HDAC9: variants seen among roughly 807,000 people sequenced by gnomAD.
HDAC9 encodes the protein histone deacetylase 9, also known as MEF-2 interacting transcription repressor (MITR) protein.
HDAC9 carries 41 observed loss-of-function variants against 139.4 expected under a neutral mutation model. That is an observed-to-expected ratio of 0.29 (90% CI 0.23 to 0.38). The LOEUF (loss-of-function observed/expected upper bound fraction) is 0.38, where lower values mean the gene tolerates loss of function less well. Among genes scored for constraint, HDAC9 ranks in the 10% least tolerant of loss-of-function variants. HDAC9 has a pLI of 1.00. For missense variants in HDAC9, 1,147 were observed against 1,297.0 expected (o/e 0.88, Z 1.78); for synonymous variants, 517 against 476.2 (o/e 1.09, Z -1.12).
At chr7:18,815,068 C>A (rs1433091187) in intron 17 of HDAC9, among the ~76,000 whole-genome samples, 3 of 152,170 alleles carry the variant, frequency 2.0e-5, no homozygotes, top group Non-Finnish European at 4.4e-5. Context: ...TTGGTACAGT[C>A]TTTATAGCCC....
intron 2 of HDAC9, among the ~76,000 whole-genome samples, chr7:18,184,043 G>A (rs2128143308): frequency 6.6e-6 from 1 of 152,154 alleles, no homozygotes; most frequent in Non-Finnish European, 1.5e-5. Flanking sequence ...CATCTGACAT[G>A]CTTGGGACCA....
intron 21 of HDAC9, among the ~76,000 whole-genome samples, chr7:18,845,204 G>T (rs765048620): frequency 6.6e-6 from 1 of 151,364 alleles, no homozygotes; most frequent in Non-Finnish European, 1.5e-5. Flanking sequence ...ATGAAGGAAG[G>T]CTCACTCACC....
At chr7:18,612,486 A>G (rs1837436120) in intron 6 of HDAC9, among the ~76,000 whole-genome samples, 1 of 152,050 alleles carries the variant, frequency 6.6e-6, no homozygotes, top group Non-Finnish European at 1.5e-5. Context: ...GTGGGGAAGG[A>G]CAGATAATAT....
At chr7:18,717,199 A>G (rs1301000639) in intron 12 of HDAC9, among the ~76,000 whole-genome samples, 2 of 152,052 alleles carry the variant, frequency 1.3e-5, no homozygotes, top group Non-Finnish European at 2.9e-5. Context: ...TAGAGGGAAG[A>G]CTGGTAGAAA....
At chr7:18,905,348 G>A (rs940813072) in intron 22 of HDAC9, among the ~76,000 whole-genome samples, 1 of 152,226 alleles carries the variant, frequency 6.6e-6, no homozygotes, top group African/African-American at 2.4e-5. Flanking sequence ...CAGAGTAGAT[G>A]TTCATTAAGA....
chr7:18,535,722 C>CAA lies in HDAC9; in HGVS notation c.22+39426_22+39427dup, dbSNP rs72123660. Among the ~76,000 whole-genome samples the CAA allele has an allele frequency of 2.4e-4, 12 of 49,246 alleles. 1 individual carries two copies. Among genetic ancestry groups the CAA allele is most frequent in the South Asian group, 1.4e-3 (1 of 730 alleles). The allele number at this position is 49,246 out of a possible 152,430, so 32.3% of individuals were successfully genotyped here. A position where few individuals can be genotyped will look rare whatever the true frequency, so the allele number is the denominator to read the frequency against. On this transcript the variant is annotated intron_variant, in intron 2 of 25. Transcript: ENST00000686413. ...GGGGATAGCCCATAAAGGCATTAAG[C>CAA]AAAAAAAAAAAAAAAAAAAAAAAAA...
intron 12 of HDAC9, among the ~76,000 whole-genome samples, chr7:18,690,402 A>C (rs1271162418): frequency 6.6e-6 from 1 of 151,760 alleles, no homozygotes; most frequent in Admixed American, 6.6e-5. Flanking sequence ...TTAAACTTTG[A>C]CTCTCCTTTG....
chr7:18,247,810 GA>G (rs1476675296), intron 2 of HDAC9, among the ~76,000 whole-genome samples: 1 of 152,078 alleles, frequency 6.6e-6, no homozygotes, highest in Non-Finnish European at 1.5e-5. Flanking sequence ...GATAAGGAGA[GA>G]AAAGAAACAG....
intron 1 of HDAC9, among the ~76,000 whole-genome samples, chr7:18,484,733 A>G (rs1271919840): frequency 6.6e-6 from 1 of 152,104 alleles, no homozygotes; most frequent in Admixed American, 6.6e-5. Flanking sequence ...ATGCATGCCT[A>G]TGTCTCAGCT....
At chr7:18,553,147 T>C (rs1282026126) in intron 2 of HDAC9, among the ~76,000 whole-genome samples, 1 of 152,174 alleles carries the variant, frequency 6.6e-6, no homozygotes, top group African/African-American at 2.4e-5. Context: ...TATTTTGGCA[T>C]GGCCCAAGTC....
intron 1 of HDAC9, among the ~76,000 whole-genome samples, chr7:18,384,454 A>G (rs1022674952): frequency 3.3e-5 from 5 of 152,314 alleles, no homozygotes; most frequent in African/African-American, 1.2e-4. Flanking sequence ...ATATTATTTA[A>G]TTCTGAAAGG....
chr7:18,403,211 A>C (rs920120374), intron 1 of HDAC9, among the ~76,000 whole-genome samples: 7 of 152,222 alleles, frequency 4.6e-5, no homozygotes, highest in African/African-American at 1.7e-4. Flanking sequence ...GTATATACTT[A>C]CATAGCAAGA....
intron 12 of HDAC9, among the ~76,000 whole-genome samples, chr7:18,710,471 C>A (rs1784262183): frequency 6.6e-6 from 1 of 152,130 alleles, no homozygotes; most frequent in Non-Finnish European, 1.5e-5. Flanking sequence ...CACACATATA[C>A]AGATATGTAC....
At chr7:18,944,322 G>A (rs142142985) in intron 23 of HDAC9, among the ~76,000 whole-genome samples, 7 of 152,230 alleles carry the variant, frequency 4.6e-5, no homozygotes, top group Non-Finnish European at 7.4e-5. Context: ...TGTCTGAGTC[G>A]CTTTGCATGT....
At chr7:18,480,229 G>C (rs1011063071) in intron 1 of HDAC9, among the ~76,000 whole-genome samples, 10 of 151,928 alleles carry the variant, frequency 6.6e-5, no homozygotes, top group African/African-American at 2.4e-4. Context: ...CTACTATTAG[G>C]GATAGATGGT....
intron 21 of HDAC9, among the ~76,000 whole-genome samples, chr7:18,873,289 T>C (rs1799069627): frequency 6.6e-6 from 1 of 152,154 alleles, no homozygotes; most frequent in Non-Finnish European, 1.5e-5. Flanking sequence ...ATTTATGTGG[T>C]TTACCAGTTG....
chr7:18,530,684 C>G (rs1467460435), intron 2 of HDAC9, among the ~76,000 whole-genome samples: 1 of 151,964 alleles, frequency 6.6e-6, no homozygotes, highest in African/African-American at 2.4e-5. Context: ...AACTCACCAT[C>G]TGGCTCCATC....
In HDAC9 at chr7:18,865,804, A is replaced by G. The variant is rs573346833; in HGVS notation, c.2685-8674A>G. On this transcript the variant is annotated intron_variant, in intron 21 of 25. Coordinates refer to ENST00000686413, the MANE Select transcript of HDAC9 (RefSeq NM_178425.4). ...AATGTGCATTTTTGTTTTTGCCAGAAAAACCTAAAAGAAATAAAAGTTTTT... is the reference window on the plus strand; with the variant it reads ...AATGTGCATTTTTGTTTTTGCCAGAGAAACCTAAAAGAAATAAAAGTTTTT... Among the ~76,000 whole-genome samples, 7 of 152,250 alleles carry G rather than the reference A, an allele frequency of 4.6e-5. No homozygotes were observed. The East Asian group carries it at 1.4e-3, about 29-fold the overall frequency.
At chr7:18,827,223 T>C (rs1157961284) in intron 17 of HDAC9, among the ~76,000 whole-genome samples, 1 of 152,116 alleles carries the variant, frequency 6.6e-6, no homozygotes, top group Non-Finnish European at 1.5e-5. Context: ...TCTTTTTGAT[T>C]CCACTAAATA....
Sources: allele counts gnomAD v4.1 joint callset (sites outside exome capture counted in the v4.1 genomes callset), GRCh38; gene constraint gnomAD v4.1.1; transcripts MANE v1.5; gene names NCBI Gene and HGNC (gene_info 2026-07-23, HGNC 2026-07-21).